CCDC68: variants seen among roughly 807,000 people sequenced by gnomAD.
The protein encoded by CCDC68 is coiled-coil domain containing 68, also known as coiled-coil domain-containing protein 68.
A neutral mutation model predicts 47.1 loss-of-function variants in CCDC68; 45 were observed. The observed-to-expected ratio is 0.96, with a 90% CI of 0.75 to 1.23. The LOEUF is 1.23. Ranked by LOEUF, CCDC68 falls within the 50% of genes most tolerant of loss-of-function variation. The pLI is 0.00. For synonymous variants in CCDC68, 131 were observed against 129.5 expected (o/e 1.01, Z -0.08); for missense variants, 353 against 373.6 (o/e 0.94, Z 0.45).
chr18:54,930,716 CTCTT>C (rs1401381493), intron 7 of CCDC68, among the ~76,000 whole-genome samples: 3 of 128,844 alleles, frequency 2.3e-5, no homozygotes, highest in African/African-American at 9.0e-5. Flanking sequence ...CTCTCTCTCT[CTCTT>C]TCTTTCCTTC....
intron 1 of CCDC68, among the ~76,000 whole-genome samples, chr18:54,949,160 A>AT (rs1035471145): frequency 1.3e-5 from 2 of 151,784 alleles, no homozygotes; most frequent in South Asian, 2.1e-4. Context: ...AACCCAGCTA[A>AT]TTTTTTTGTA....
At chr18:54,945,208 T>C (rs2145604387) in intron 2 of CCDC68, among the ~76,000 whole-genome samples, 180 bp downstream of exon 2, 1 of 152,272 alleles carries the variant, frequency 6.6e-6, no homozygotes, top group Non-Finnish European at 1.5e-5. Context: ...TGAAACTGGG[T>C]GATGAGTCTA....
In CCDC68 at chr18:54,912,257, T is replaced by A. The variant is rs374517573; in HGVS notation, c.874-4395A>T. Among the ~76,000 whole-genome samples the A allele has an allele frequency of 1.5e-3, 224 of 152,172 alleles. No homozygotes were observed. The South Asian group carries it at 0.015, about 10-fold the overall frequency. The stretch of plus-strand genomic sequence containing the variant: ...AGAAATGCAAGAAATATAAGATGAG[T>A]GTCAGAGCTGTAAATTAAGATGATG... On this transcript the variant is annotated intron_variant, in intron 10 of 11. Transcript: ENST00000591504.
intron 1 of CCDC68, among the ~76,000 whole-genome samples, chr18:54,958,637 C>T (rs1381734464): frequency 6.6e-6 from 1 of 152,174 alleles, no homozygotes; most frequent in African/African-American, 2.4e-5. Flanking sequence ...TTTGTCTTCA[C>T]TTCCAAAAAG....
In CCDC68 at chr18:54,936,897, T is replaced by C. The variant is rs768565868; in HGVS notation, c.407A>G (p.Glu136Gly). Residue 136 changes from glutamate to glycine, a missense_variant, in exon 6 of 12, where the codon GAA becomes GGA. By Grantham distance (98) the Glu-to-Gly change is moderately conservative. Transcript: ENST00000591504. ...TTCTTCAGATTGCGTTTGGTAGTTT[T>C]CAAATAATCTCTGGGCCACGTTTCT... The part of the protein sequence containing the change: ...ALRNVAQRLF[E>G]NYQTQSEEVR... The C allele has an allele frequency of 2.5e-6, 4 of 1,614,060 alleles. No homozygotes were observed. Among genetic ancestry groups the C allele is most frequent in the Non-Finnish European group, 3.4e-6 (4 of 1,180,030 alleles).
chr18:54,914,567 G>A (rs902131165), intron 10 of CCDC68, among the ~76,000 whole-genome samples: 7 of 151,988 alleles, frequency 4.6e-5, no homozygotes, highest in Non-Finnish European at 1.0e-4. Context: ...GCAGTGAGCC[G>A]AGATCACGAG....
chr18:54,904,243 A>G lies in CCDC68; in HGVS notation c.*115T>C, dbSNP rs1345221923. 9 of 781,748 alleles carry G rather than the reference A, an allele frequency of 1.2e-5. No individual in the cohort carries two copies. Among genetic ancestry groups the G allele is most frequent in the Middle Eastern group, 4.8e-4 (2 of 4,190 alleles). 48.4% of individuals were successfully genotyped at this position (781,748 alleles called of 1,614,324 possible). On this transcript the variant is annotated 3_prime_UTR_variant, in exon 12 of 12. Transcript: ENST00000591504. ...CTTCTTGCAAAGCCATTGGTATGTA[A>G]TAAGTTCCATTTAAATAATGGCATT...
chr18:54,934,541 CCTTT>C (rs1055311747), intron 7 of CCDC68, among the ~76,000 whole-genome samples: 7 of 152,114 alleles, frequency 4.6e-5, no homozygotes, highest in Admixed American at 1.3e-4. Context: ...ACCTGGTTCC[CCTTT>C]CTAAGTCACA....
At chr18:54,922,750 G>A (rs2044081564) in intron 8 of CCDC68, among the ~76,000 whole-genome samples, 1 of 152,026 alleles carries the variant, frequency 6.6e-6, no homozygotes, top group Admixed American at 6.5e-5. Flanking sequence ...CACTATGGGA[G>A]GCCAAGGCGA....
chr18:54,956,878 C>G (rs935207639), intron 1 of CCDC68, among the ~76,000 whole-genome samples: 8 of 151,974 alleles, frequency 5.3e-5, no homozygotes, highest in African/African-American at 1.9e-4. Flanking sequence ...GAATTATACA[C>G]TTGGATGTAT....
chr18:54,936,956 C>T lies in CCDC68; in HGVS notation c.348G>A (p.Leu116=). Residue 116 remains leucine (L), a splice_region_variant and synonymous_variant, in exon 6 of 12, where the codon CTG becomes CTA. Transcript: ENST00000591504. ...NKENEVLKIK[L]QASREAGAAA... The stretch of plus-strand genomic sequence containing the variant: ...CTGCTCCTGCTTCTCTGGAGGCTTG[C>T]AGCTAGAAAAAAGGTCACTATGCAT... 1.2e-6 allele frequency: 2 copies of T among 1,613,726 alleles called. No homozygotes were observed. The highest frequency in any genetic ancestry group is 1.7e-6 in the Non-Finnish European group (2 of 1,179,880).
At chr18:54,936,418 T>G (rs991226521) in intron 6 of CCDC68, among the ~76,000 whole-genome samples, 1 of 151,892 alleles carries the variant, frequency 6.6e-6, no homozygotes, top group African/African-American at 2.4e-5. Context: ...TTTGAAAGCA[T>G]GTGTCTAGCC....
rs138228325 is a variant in CCDC68 at position 54,945,407 on chromosome 18, A to T, written c.-32T>A. ...ACTTACCCAAGACGAAGTAAAATTA[A>T]TAGAGCTAAAACGCCAACCTTGGTC... is the stretch of plus-strand genomic sequence containing the variant. On this transcript the variant is annotated 5_prime_UTR_variant, in exon 2 of 12. Transcript: ENST00000591504. The T allele has an allele frequency of 1.0e-3, 158 of 152,330 alleles. No individual in the cohort carries two copies. The highest frequency in any genetic ancestry group is 3.7e-3 in the African/African-American group (155 of 41,586). The allele number at this position is 152,330 out of a possible 1,614,324, so 9.4% of individuals were successfully genotyped here.
chr18:54,905,405 G>GGGAAGAAGGAAGGAAGGAA (rs1913935902), intron 11 of CCDC68, among the ~76,000 whole-genome samples: 1 of 118,000 alleles, frequency 8.5e-6, no homozygotes, highest in African/African-American at 3.0e-5. Flanking sequence ...GGGAAAGGAA[G>GGGAAGAAGGAAGGAAGGAA]GGAAGAAGGA....
intron 1 of CCDC68, among the ~76,000 whole-genome samples, chr18:54,949,652 T>A (rs144335574): frequency 1.0e-3 from 158 of 152,342 alleles, no homozygotes; most frequent in African/African-American, 3.7e-3. Flanking sequence ...TTGGCTAGCT[T>A]GTGCTTGAAT....
At chr18:54,917,691 A>G (rs967327189) in intron 10 of CCDC68, among the ~76,000 whole-genome samples, 9 of 152,150 alleles carry the variant, frequency 5.9e-5, no homozygotes, top group Admixed American at 1.3e-4. Context: ...ACACATGCAC[A>G]TACACTTAGA....
chr18:54,923,005 A>C (rs2044088002), intron 8 of CCDC68, among the ~76,000 whole-genome samples: 1 of 151,146 alleles, frequency 6.6e-6, no homozygotes, highest in African/African-American at 2.4e-5. Flanking sequence ...AAAAAAAAAA[A>C]AAAAAAAAGA....
At chr18:54,941,118 G>C in intron 3 of CCDC68, 35 bp from the exon 4 acceptor site, 3 of 1,484,342 alleles carry the variant, frequency 2.0e-6, no homozygotes, top group South Asian at 1.2e-5. Flanking sequence ...TGTTTCAAAG[G>C]CATTTAATGC....
At chr18:54,917,027 T>C (rs914199743) in intron 10 of CCDC68, among the ~76,000 whole-genome samples, 4 of 152,212 alleles carry the variant, frequency 2.6e-5, no homozygotes, top group Non-Finnish European at 5.9e-5. Context: ...CATGTGGAAC[T>C]GTGAGTGCAC....
Sources: allele counts gnomAD v4.1 joint callset (sites outside exome capture counted in the v4.1 genomes callset), GRCh38; gene constraint gnomAD v4.1.1; transcripts MANE v1.5; gene names NCBI Gene and HGNC (gene_info 2026-07-23, HGNC 2026-07-21).